MYO5B: variants seen among roughly 807,000 people sequenced by gnomAD.
The protein encoded by MYO5B is myosin VB.
MYO5B carries 143 observed loss-of-function variants against 229.3 expected under a neutral mutation model. That is an observed-to-expected ratio of 0.62 (90% CI 0.54 to 0.72). MYO5B has a LOEUF of 0.72. Ranked by LOEUF, MYO5B falls within the 30% of genes least tolerant of loss-of-function variation. The pLI is 0.00. For synonymous variants in MYO5B, 918 were observed against 885.2 expected, an observed-to-expected ratio of 1.04 and a Z score of -0.66; for missense variants, 2,321 against 2,331.0, an observed-to-expected ratio of 1.00 and a Z score of 0.09.
chr18:50,128,816 A>G (rs2032208660), intron 1 of MYO5B, among the ~76,000 whole-genome samples: 1 of 152,190 alleles, frequency 6.6e-6, no homozygotes, highest in Non-Finnish European at 1.5e-5. Flanking sequence ...AAAATGTGAA[A>G]GAACATTGGA....
At chr18:49,985,754 C>T (rs781544026) in intron 7 of MYO5B, among the ~76,000 whole-genome samples, 1 of 152,110 alleles carries the variant, frequency 6.6e-6, no homozygotes, top group African/African-American at 2.4e-5. Context: ...TCCCTGAAAA[C>T]CCTAAGTTCT....
chr18:49,929,515 G>C lies in MYO5B; in HGVS notation c.2087C>G (p.Ser696Cys), dbSNP rs2025166182. 1.9e-6 allele frequency: 3 copies of C among 1,606,286 alleles called. No individual in the cohort carries two copies. The highest frequency in any genetic ancestry group is 2.2e-5 in the East Asian group (1 of 44,814). The change falls in exon 17 of 40, where the codon TCC (serine) becomes TGC (cysteine). Residue 696 changes from serine (S) to cysteine (C), a missense_variant. Ser to Cys is a moderately radical substitution (Grantham distance 112). This residue lies in a region of MYO5B where 2,113 missense variants were observed against 2,044.7 expected (regional missense o/e 1.03). Coordinates refer to ENST00000285039, the MANE Select transcript of MYO5B (RefSeq NM_001080467.3). ...AGCTGGCGGGCACGTTAGTTACCTG[G>C]ATGGGTAGCCAGCTGCACTGATTCG... ...TIRISAAGYPSRWAYHDFFNR... is the reference protein window; with the variant it reads ...TIRISAAGYPCRWAYHDFFNR...
intron 1 of MYO5B, among the ~76,000 whole-genome samples, chr18:50,157,269 C>T (rs974546457): frequency 6.6e-6 from 1 of 152,078 alleles, no homozygotes; most frequent in East Asian, 1.9e-4. Flanking sequence ...CCATGCCCAG[C>T]TAATTTTTGT....
intron 16 of MYO5B, among the ~76,000 whole-genome samples, chr18:49,933,809 A>G (rs1400502157): frequency 6.6e-6 from 1 of 152,210 alleles, no homozygotes; most frequent in Non-Finnish European, 1.5e-5. Flanking sequence ...GATGTAACTA[A>G]TAACTGTAAT....
intron 2 of MYO5B, among the ~76,000 whole-genome samples, chr18:50,045,946 T>C (rs920138410): frequency 1.6e-4 from 25 of 152,352 alleles, no homozygotes; most frequent in African/African-American, 6.0e-4. Context: ...TCTATGTCTG[T>C]GTTACATAGT....
At chr18:50,104,162 T>A (rs1450896374) in intron 1 of MYO5B, among the ~76,000 whole-genome samples, 2 of 3,794 alleles carry the variant, frequency 5.3e-4, no homozygotes, top group African/African-American at 4.3e-4. Flanking sequence ...TGAGAACTTG[T>A]CTATTAAAAA....
intron 1 of MYO5B, among the ~76,000 whole-genome samples, chr18:50,152,391 G>A (rs946606076): frequency 3.9e-5 from 6 of 152,330 alleles, no homozygotes; most frequent in South Asian, 2.1e-4. Flanking sequence ...AACTAAAGTC[G>A]TCCTTTCTAT....
chr18:50,065,759 C>G (rs2030805019), intron 1 of MYO5B, among the ~76,000 whole-genome samples: 1 of 152,150 alleles, frequency 6.6e-6, no homozygotes, highest in South Asian at 2.1e-4. Flanking sequence ...ACATTCACAG[C>G]ATGTGACAGG....
Position 49,929,548 on chromosome 18 carries a change from T to A in MYO5B, c.2054A>T (p.Glu685Val). Residue 685 changes from glutamate to valine, a missense_variant, in exon 17 of 40, where the codon GAG (glutamate) becomes GTG (valine). Physicochemically the swap from Glu to Val is moderately radical, Grantham distance 121. Coordinates refer to ENST00000285039, the MANE Select transcript of MYO5B (RefSeq NM_001080467.3). The part of the protein sequence containing the change: ...VQQLRACGVL[E>V]TIRISAAGYP... Reference sequence around the variant, plus strand: ...GCCAGCTGCACTGATTCGAATCGTCTCCAACACCCCGCAGGCTCTGAGTTG... The same window carrying A: ...GCCAGCTGCACTGATTCGAATCGTCACCAACACCCCGCAGGCTCTGAGTTG... 6.2e-7 allele frequency: 1 copy of A among 1,606,166 alleles called. No homozygotes were observed.
Position 49,954,305 on chromosome 18 carries a change from A to G in MYO5B, c.1668+8T>C. The G allele has an allele frequency of 1.2e-6, 2 of 1,613,838 alleles. No individual in the cohort carries two copies. Among genetic ancestry groups the G allele is most frequent in the Non-Finnish European group, 1.7e-6 (2 of 1,179,856 alleles). On this transcript the variant is annotated splice_region_variant and intron_variant, in intron 13 of 39. Transcript: ENST00000285039. ...GGGAATACCCGAGCCAACAGAGAGG[A>G]GAGCCACCTTGTCTGCAAAGTGGAC...
At chr18:50,012,022 C>T (rs2026166421) in intron 4 of MYO5B, among the ~76,000 whole-genome samples, 1 of 152,116 alleles carries the variant, frequency 6.6e-6, no homozygotes, top group South Asian at 2.1e-4. Context: ...CCATTATTTG[C>T]TCACCACAGA....
At chr18:50,158,184 T>A (rs556605615) in intron 1 of MYO5B, among the ~76,000 whole-genome samples, 35 of 152,350 alleles carry the variant, frequency 2.3e-4, no homozygotes, top group Admixed American at 7.2e-4. Context: ...ATTACTTTTA[T>A]ATAGTAAGGT....
intron 2 of MYO5B, among the ~76,000 whole-genome samples, chr18:50,048,816 A>T (rs894121505): frequency 2.0e-5 from 3 of 152,170 alleles, no homozygotes; most frequent in African/African-American, 7.2e-5. Context: ...TGAGCTCAGG[A>T]GTTCGAGATC....
intron 9 of MYO5B, among the ~76,000 whole-genome samples, chr18:49,975,901 C>T (rs1165819585): frequency 6.6e-6 from 1 of 152,234 alleles, no homozygotes; most frequent in African/African-American, 2.4e-5. Context: ...ATACCAATCA[C>T]ATCACCTGAC....
At chr18:49,981,196 T>C (rs116187399) in intron 8 of MYO5B, among the ~76,000 whole-genome samples, 14 of 152,364 alleles carry the variant, frequency 9.2e-5, no homozygotes, top group African/African-American at 3.4e-4. Context: ...ATCAAAGGCA[T>C]GGATAATCTC....
chr18:49,872,530 C>G (rs550040923), intron 26 of MYO5B, among the ~76,000 whole-genome samples: 2 of 152,140 alleles, frequency 1.3e-5, no homozygotes, highest in East Asian at 3.9e-4. Context: ...TTTTGCCCCC[C>G]CAAATGATAT....
Position 49,937,590 on chromosome 18 carries a change from G to A in MYO5B, c.1753-193C>T, listed in dbSNP as rs553908641. ...AGGAACAACCCAAATACCAACTGAT[G>A]AATGGACAAACAAATGTGGTACCTC... On this transcript the variant is annotated intron_variant, in intron 14 of 39. Coordinates refer to ENST00000285039, the MANE Select transcript of MYO5B (RefSeq NM_001080467.3). 7.2e-5 allele frequency among the ~76,000 whole-genome samples: 11 copies of A among 152,188 alleles called. No homozygotes were observed. In the South Asian group the frequency reaches 2.3e-3, roughly 32 times the overall value.
chr18:49,841,501 G>T, intron 34 of MYO5B, 47 bp from the exon 35 acceptor site: 1 of 1,503,694 alleles, frequency 6.7e-7, no homozygotes, highest in Non-Finnish European at 9.3e-7. Context: ...CTCCCATCTG[G>T]TGAAATGCTT....
At chr18:49,912,296 AG>A in intron 17 of MYO5B, 123 bp from the exon 18 acceptor site, 1 of 778,482 alleles carries the variant, frequency 1.3e-6, no homozygotes, top group South Asian at 1.4e-5. Flanking sequence ...TTCTCAGAGC[AG>A]CAAAGAACAG....
Sources: gnomAD v4.1 joint callset for allele counts (sites outside exome capture counted in the v4.1 genomes callset) on GRCh38, gnomAD v4.1.1 for gene constraint, gnomAD v4.1.1 regional missense constraint, MANE v1.5 for transcripts, NCBI Gene and HGNC (gene_info 2026-07-23, HGNC 2026-07-21) for gene names.